The following RNF216 variants were observed in gnomAD, a reference collection of about 807,000 sequenced individuals.
RNF216 encodes the protein E3 ubiquitin-protein ligase RNF216.
In RNF216, 72 loss-of-function variants were observed where a neutral mutation model predicts 110.8. The observed-to-expected ratio is 0.65, with a 90% CI of 0.54 to 0.79. RNF216 has a LOEUF of 0.79. Ranked by LOEUF, RNF216 falls within the 30% of genes least tolerant of loss-of-function variation. The probability of loss-of-function intolerance (pLI) is 0.00; values close to 1 mark genes in which losing one functional copy is unlikely to be tolerated. For synonymous variants in RNF216, 495 were observed against 407.5 expected (o/e 1.21, Z -2.59); for missense variants, 1,342 against 1,141.2 (o/e 1.18, Z -2.54).
intron 15 of RNF216, among the ~76,000 whole-genome samples, chr7:5,630,319 A>T (rs1288678431): frequency 1.3e-5 from 2 of 152,134 alleles, no homozygotes; most frequent in African/African-American, 4.8e-5. Context: ...CTCTACCCCC[A>T]CTACCTAACC....
chr7:5,710,179 G>T (rs1792577294), intron 13 of RNF216, among the ~76,000 whole-genome samples: 1 of 152,158 alleles, frequency 6.6e-6, no homozygotes, highest in Admixed American at 6.5e-5. Context: ...GGCCAACATG[G>T]TGAAACCTCA....
chr7:5,654,918 C>G (rs867584548), intron 13 of RNF216, among the ~76,000 whole-genome samples: 17 of 152,070 alleles, frequency 1.1e-4, no homozygotes, highest in Middle Eastern at 3.4e-3. Context: ...AGAAACAAAC[C>G]CTGTGCCTGA....
At chr7:5,667,780 C>T (rs1789623223) in intron 13 of RNF216, among the ~76,000 whole-genome samples, 1 of 152,212 alleles carries the variant, frequency 6.6e-6, no homozygotes, top group African/African-American at 2.4e-5. Flanking sequence ...TCCAGGAAGC[C>T]TCCTTCCAGG....
At chr7:5,746,999 C>T (rs1001508904) in intron 3 of RNF216, among the ~76,000 whole-genome samples, 4 of 152,122 alleles carry the variant, frequency 2.6e-5, no homozygotes, top group African/African-American at 4.8e-5. Flanking sequence ...AAACTAGAAA[C>T]GCAAGATTAC....
At chr7:5,656,121 T>G (rs765852102) in intron 13 of RNF216, among the ~76,000 whole-genome samples, 1 of 152,050 alleles carries the variant, frequency 6.6e-6, no homozygotes, top group East Asian at 1.9e-4. Flanking sequence ...ATACAAAAAT[T>G]AGCCGGGCAT....
chr7:5,658,958 A>G (rs1415583961), intron 13 of RNF216, among the ~76,000 whole-genome samples: 1 of 152,178 alleles, frequency 6.6e-6, no homozygotes, highest in East Asian at 1.9e-4. Context: ...GAATACTTCC[A>G]TTAATTAGTG....
chr7:5,722,834 C>T (rs1328141167), intron 8 of RNF216, among the ~76,000 whole-genome samples: 1 of 149,690 alleles, frequency 6.7e-6, no homozygotes, highest in African/African-American at 2.6e-5. Flanking sequence ...CCAACCTGTC[C>T]AACATGGTGA....
At chr7:5,715,014 T>C (rs780765305) in intron 11 of RNF216, 39 bp downstream of exon 11, 7 of 1,562,656 alleles carry the variant, frequency 4.5e-6, no homozygotes, top group South Asian at 1.2e-5. Flanking sequence ...ACTCCAGGAA[T>C]GTGTCCTATA....
Position 5,641,347 on chromosome 7 carries a change from C to T in RNF216, c.2189G>A (p.Arg730Lys). 1 of 1,614,062 alleles carries T rather than the reference C, an allele frequency of 6.2e-7. No individual in the cohort carries two copies. Among genetic ancestry groups the T allele is most frequent in the South Asian group, 1.1e-5 (1 of 91,072 alleles). The change falls in exon 15 of 17, where the codon AGA becomes AAA. Residue 730 changes from arginine to lysine, a missense_variant. Coordinates refer to ENST00000389902, the MANE Select transcript of RNF216 (RefSeq NM_207111.4). ...IEEKMTAARIRKCHKCGTGLI... is the reference protein window; with the variant it reads ...IEEKMTAARIKKCHKCGTGLI... The stretch of plus-strand genomic sequence containing the variant: ...GCCAGTCCCACACTTGTGGCATTTT[C>T]TAATGCGGGCAGCAGTCATTTTTTC...
intron 5 of RNF216, among the ~76,000 whole-genome samples, chr7:5,732,373 A>G (rs183709263): frequency 6.6e-6 from 1 of 152,328 alleles, no homozygotes; most frequent in East Asian, 1.9e-4. Flanking sequence ...GTCTGTTTTT[A>G]CGTGTTTTCT....
chr7:5,660,720 G>A (rs1462065179), intron 13 of RNF216, among the ~76,000 whole-genome samples: 1 of 151,988 alleles, frequency 6.6e-6, no homozygotes, highest in Non-Finnish European at 1.5e-5. Flanking sequence ...TGGGACCACA[G>A]GTGTGCACCA....
At chr7:5,731,301 G>T (rs1259751111) in intron 5 of RNF216, among the ~76,000 whole-genome samples, 1 of 152,148 alleles carries the variant, frequency 6.6e-6, no homozygotes, top group African/African-American at 2.4e-5. Context: ...ATACCCCTGT[G>T]GTAACATAAA....
At chr7:5,777,900 C>G (rs992292372) in intron 1 of RNF216, among the ~76,000 whole-genome samples, 21 of 152,212 alleles carry the variant, frequency 1.4e-4, no homozygotes, top group South Asian at 4.2e-4. Context: ...TTCAACTGTC[C>G]AATGAAAATT....
intron 5 of RNF216, among the ~76,000 whole-genome samples, chr7:5,735,604 T>G (rs1411226037): frequency 3.9e-5 from 6 of 152,170 alleles, no homozygotes; most frequent in Non-Finnish European, 2.9e-5. Context: ...AGAACACCCC[T>G]GAAGAAATCA....
intron 1 of RNF216, chr7:5,775,163 G>C (rs1796706614): frequency 2.0e-5 from 3 of 152,152 alleles, no homozygotes; most frequent in Admixed American, 1.3e-4. Flanking sequence ...CATAGAACCA[G>C]AGTCAGGAAA....
intron 14 of RNF216, among the ~76,000 whole-genome samples, chr7:5,644,100 G>A (rs1787906084): frequency 6.6e-6 from 1 of 151,866 alleles, no homozygotes; most frequent in African/African-American, 2.4e-5. Context: ...GATGGATTGA[G>A]TTTTTTTTGC....
intron 13 of RNF216, among the ~76,000 whole-genome samples, chr7:5,679,212 G>T (rs945315440): frequency 6.8e-6 from 1 of 146,322 alleles, no homozygotes; most frequent in African/African-American, 2.4e-5. Flanking sequence ...GTGCGGTGGC[G>T]GGGGGGCGGT....
chr7:5,685,939 C>G (rs551896882), intron 13 of RNF216, among the ~76,000 whole-genome samples: 1 of 151,978 alleles, frequency 6.6e-6, no homozygotes, highest in Non-Finnish European at 1.5e-5. Context: ...GTAAAAAATT[C>G]CGGCCGGGCG....
chr7:5,725,521 AAC>A (rs1562433415), intron 7 of RNF216, 83 bp from the exon 8 acceptor site: 7 of 817,670 alleles, frequency 8.6e-6, no homozygotes, highest in African/African-American at 3.4e-5. Flanking sequence ...ATGCCATTTT[AAC>A]ACAGTTTCAG....
Sources: gnomAD v4.1 joint callset for allele counts (sites outside exome capture counted in the v4.1 genomes callset) on GRCh38, gnomAD v4.1.1 for gene constraint, MANE v1.5 for transcripts, NCBI Gene and HGNC (gene_info 2026-07-23, HGNC 2026-07-21) for gene names.